The following COX10 variants were observed in gnomAD, a reference collection of about 807,000 sequenced individuals.
COX10 encodes the protein cytochrome c oxidase assembly factor heme A:farnesyltransferase COX10, also known as protoheme IX farnesyltransferase, mitochondrial.
In COX10, 27 loss-of-function variants were observed where a neutral mutation model predicts 37.3. The ratio of observed to expected loss-of-function variants is 0.72; its 90% CI spans 0.53 to 1.00. The LOEUF is 1.00. COX10 is among the 50% of genes least tolerant of loss of function. COX10 has a pLI of 0.00. For synonymous variants in COX10, 222 were observed against 229.1 expected, an observed-to-expected ratio of 0.97 and a Z score of 0.28; for missense variants, 475 against 563.2, an observed-to-expected ratio of 0.84 and a Z score of 1.59.
At chr17:14,105,197 TGTCA>T (rs1915864766) in intron 4 of COX10, among the ~76,000 whole-genome samples, 1 of 152,214 alleles carries the variant, frequency 6.6e-6, no homozygotes, top group African/African-American at 2.4e-5. Flanking sequence ...AGACTGGTTA[TGTCA>T]GTCAGTGTGT....
chr17:14,095,590 A>G (rs1390602107), intron 3 of COX10, among the ~76,000 whole-genome samples: 1 of 152,170 alleles, frequency 6.6e-6, no homozygotes, highest in South Asian at 2.1e-4. Flanking sequence ...AAGCAACACA[A>G]AGTTATTGTT....
intron 3 of COX10, among the ~76,000 whole-genome samples, chr17:14,094,734 G>A (rs887839108): frequency 1.3e-5 from 2 of 152,200 alleles, no homozygotes; most frequent in Non-Finnish European, 2.9e-5. Flanking sequence ...TAAAGTCCAA[G>A]TGCAGTGACC....
intron 6 of COX10, among the ~76,000 whole-genome samples, chr17:14,193,930 G>C (rs1168360359): frequency 1.3e-5 from 2 of 151,964 alleles, no homozygotes; most frequent in Non-Finnish European, 2.9e-5. Flanking sequence ...CTTCCTCAAG[G>C]GTGTAGCCCC....
intron 4 of COX10, among the ~76,000 whole-genome samples, chr17:14,133,262 A>G (rs998049673): frequency 1.6e-4 from 24 of 151,686 alleles, no homozygotes; most frequent in African/African-American, 5.8e-4. Flanking sequence ...TTGTTATAAA[A>G]TGTTTTCATG....
chr17:14,125,017 T>C (rs778719803), intron 4 of COX10, among the ~76,000 whole-genome samples: 5 of 152,188 alleles, frequency 3.3e-5, no homozygotes, highest in Non-Finnish European at 5.9e-5. Context: ...GTCAGTAAAA[T>C]CAAGTCACAA....
intron 3 of COX10, among the ~76,000 whole-genome samples, chr17:14,078,878 C>T (rs1437344485): frequency 6.6e-6 from 1 of 152,122 alleles, no homozygotes; most frequent in Non-Finnish European, 1.5e-5. Flanking sequence ...CCTGTCCCTC[C>T]ACCCTACCAT....
chr17:14,170,275 GAGA>G (rs1302327523), intron 5 of COX10, among the ~76,000 whole-genome samples: 2 of 152,198 alleles, frequency 1.3e-5, no homozygotes, highest in African/African-American at 4.8e-5. Flanking sequence ...GTAAATGTCA[GAGA>G]AGTTTAATCT....
At chr17:14,168,738 A>G (rs754867259) in intron 5 of COX10, among the ~76,000 whole-genome samples, 7 of 152,146 alleles carry the variant, frequency 4.6e-5, no homozygotes, top group Non-Finnish European at 1.0e-4. Context: ...ACGGCTGGGA[A>G]ACAGAGTGCC....
intron 1 of COX10, among the ~76,000 whole-genome samples, chr17:14,073,566 G>A (rs907963055): frequency 2.0e-5 from 3 of 152,172 alleles, no homozygotes; most frequent in Admixed American, 2.0e-4. Context: ...TTTGCTCAGG[G>A]ACAATATTTA....
Position 14,069,612 on chromosome 17 carries a change from G to C in COX10, c.7G>C (p.Ala3Pro). The change falls in exon 1 of 7, where the codon GCA becomes CCA. Residue 3 changes from alanine (A) to proline (P), a missense_variant. Physicochemically the swap from Ala to Pro is conservative, Grantham distance 27. Around this residue, in one of 5 missense-constraint regions of COX10, gnomAD observed 242 missense variants for 242.5 expected, o/e 1.00. Coordinates refer to ENST00000261643, the MANE Select transcript of COX10 (RefSeq NM_001303.4). Reference sequence around the variant, plus strand: ...GGCCCCAGACTCGTAAATTATGGCCGCATCTCCGCACACTCTCTCCTCACG... The same window carrying C: ...GGCCCCAGACTCGTAAATTATGGCCCCATCTCCGCACACTCTCTCCTCACG... Reference protein sequence around the residue: MAASPHTLSSRLL... With the variant: MAPSPHTLSSRLL... The C allele has an allele frequency of 6.2e-7, 1 of 1,613,966 alleles. No individual in the cohort carries two copies. Among genetic ancestry groups the C allele is most frequent in the East Asian group, 2.2e-5 (1 of 44,856 alleles).
At chr17:14,152,992 A>G (rs1380828923) in intron 4 of COX10, among the ~76,000 whole-genome samples, 2 of 152,178 alleles carry the variant, frequency 1.3e-5, no homozygotes, top group East Asian at 3.8e-4. Context: ...CAATTTTCCA[A>G]GTGTAAGCAT....
chr17:14,088,789 T>C (rs1352315732), intron 3 of COX10, among the ~76,000 whole-genome samples: 2 of 152,240 alleles, frequency 1.3e-5, no homozygotes, highest in Non-Finnish European at 2.9e-5. Context: ...GTTGCCAACA[T>C]ACCTGGTACC....
chr17:14,113,106 A>G (rs927377202), intron 4 of COX10, among the ~76,000 whole-genome samples: 4 of 152,128 alleles, frequency 2.6e-5, no homozygotes, highest in African/African-American at 9.7e-5. Flanking sequence ...CCACGTCCGA[A>G]CTACAGGATC....
At chr17:14,143,743 T>G (rs903094289) in intron 4 of COX10, among the ~76,000 whole-genome samples, 4 of 152,172 alleles carry the variant, frequency 2.6e-5, no homozygotes, top group Admixed American at 2.0e-4. Context: ...TGCAACTGTC[T>G]TTTAAAGGTG....
chr17:14,083,301 C>T (rs1915339833), intron 3 of COX10, among the ~76,000 whole-genome samples: 1 of 152,034 alleles, frequency 6.6e-6, no homozygotes, highest in African/African-American at 2.4e-5. Context: ...GACCTTTTAC[C>T]TCTCTATTTA....
At chr17:14,171,589 A>G (rs1039812247) in intron 5 of COX10, among the ~76,000 whole-genome samples, 11 of 151,896 alleles carry the variant, frequency 7.2e-5, no homozygotes, top group Non-Finnish European at 1.3e-4. Flanking sequence ...TGCGTCTTGA[A>G]GCTGAGAACC....
rs1168820617 is a variant in COX10, at chr17:14,184,236, A to G, written c.696-7753A>G. Among the ~76,000 whole-genome samples the G allele has an allele frequency of 3.3e-5, 5 of 152,114 alleles. No homozygotes were observed. In the East Asian group the frequency reaches 9.6e-4, roughly 29 times the overall value. ...CAGTCTTGCCATTGAAAGAGCCATA[A>G]TACACCCTTTCAGTTGAGGAAACCA... On this transcript the variant is annotated intron_variant, in intron 5 of 6. Coordinates refer to ENST00000261643, the MANE Select transcript of COX10 (RefSeq NM_001303.4).
intron 3 of COX10, among the ~76,000 whole-genome samples, chr17:14,094,850 G>A (rs112023097): frequency 2.6e-5 from 4 of 152,344 alleles, no homozygotes; most frequent in African/African-American, 9.6e-5. Context: ...CAGTGCATTT[G>A]ATATAGTCAG....
chr17:14,157,184 A>T (rs1349134686), intron 4 of COX10, among the ~76,000 whole-genome samples: 1 of 152,248 alleles, frequency 6.6e-6, no homozygotes, highest in Non-Finnish European at 1.5e-5. Context: ...AAACAGGTAC[A>T]GGCTGGATTT....
Sources: gnomAD v4.1 joint callset for allele counts (sites outside exome capture counted in the v4.1 genomes callset) on GRCh38, gnomAD v4.1.1 for gene constraint, gnomAD v4.1.1 regional missense constraint, MANE v1.5 for transcripts, NCBI Gene and HGNC (gene_info 2026-07-23, HGNC 2026-07-21) for gene names.